The following SCOC variants were observed in gnomAD, a reference collection of about 807,000 sequenced individuals.
SCOC encodes the protein short coiled coil protein.
In SCOC, 7 loss-of-function variants were observed where a neutral mutation model predicts 9.9. That is an observed-to-expected ratio of 0.71 (90% CI 0.40 to 1.33). The LOEUF (loss-of-function observed/expected upper bound fraction) is 1.33. Ranked by LOEUF, SCOC falls within the 40% of genes most tolerant of loss-of-function variation. SCOC has a pLI of 0.01. For synonymous variants in SCOC, 19 were observed against 28.2 expected, an observed-to-expected ratio of 0.67 and a Z score of 1.03; for missense variants, 66 against 89.7, an observed-to-expected ratio of 0.74 and a Z score of 1.07.
intron 1 of SCOC, chr4:140,374,009 C>T (rs2126588318): frequency 1.7e-6 from 1 of 595,498 alleles, no homozygotes; most frequent in East Asian, 3.6e-5. Context: ...CTCCCCGCAG[C>T]TCCTGGGTCG....
chr4:140,366,634 G>A, intron 2 of SCOC: 2 of 1,605,612 alleles, frequency 1.2e-6, no homozygotes, highest in Non-Finnish European at 1.7e-6. Context: ...CTTCTGCCAG[G>A]CTTGTCTGAC....
At chr4:140,293,883 C>T (rs1303721333) in intron 1 of SCOC, among the ~76,000 whole-genome samples, 1 of 152,140 alleles carries the variant, frequency 6.6e-6, no homozygotes, top group African/African-American at 2.4e-5. Flanking sequence ...TGACTGGGGG[C>T]TCTTCAGAAA....
chr4:140,373,575 G>T, upstream of SCOC: 1 of 1,551,712 alleles, frequency 6.4e-7, no homozygotes. Context: ...ATTGGCGGGC[G>T]AGCGGCTGGG....
intron 1 of SCOC, among the ~76,000 whole-genome samples, chr4:140,263,548 G>A (rs1730674973): frequency 6.6e-6 from 1 of 152,136 alleles, no homozygotes; most frequent in African/African-American, 2.4e-5. Flanking sequence ...GTGAAAGCAG[G>A]TTATCATCAC....
intron 1 of SCOC, among the ~76,000 whole-genome samples, chr4:140,288,643 A>G (rs768230881): frequency 2.6e-5 from 4 of 151,878 alleles, no homozygotes; most frequent in Non-Finnish European, 2.9e-5. Flanking sequence ...CCAAGTATAT[A>G]CACACAAAAC....
At chr4:140,364,279 T>C (rs140513901) in intron 2 of SCOC, among the ~76,000 whole-genome samples, 1 of 152,222 alleles carries the variant, frequency 6.6e-6, no homozygotes, top group East Asian at 1.9e-4. Context: ...ACCTGAAGAA[T>C]TTAATGCTGG....
At position 140,373,708 on chromosome 4, in the gene SCOC, C is replaced by G. The variant is rs750174411; in HGVS notation, c.-60C>G. 6.5e-7 allele frequency: 1 copy of G among 1,548,186 alleles called. No homozygotes were observed. Among genetic ancestry groups the G allele is most frequent in the South Asian group, 1.2e-5 (1 of 84,002 alleles). On this transcript the variant is annotated 5_prime_UTR_variant, in exon 1 of 4. Transcript: ENST00000608372. ...CGGATCCCTCCTTCTCCCGGCGCCT[C>G]AAGCGGAAGGTGAGGGCCGTCCCGG...
chr4:140,322,776 T>A (rs1246419171), intron 1 of SCOC, among the ~76,000 whole-genome samples: 1 of 151,980 alleles, frequency 6.6e-6, no homozygotes, highest in African/African-American at 2.4e-5. Context: ...TAAGAAAACA[T>A]GTTTAGGAAA....
intron 1 of SCOC, among the ~76,000 whole-genome samples, chr4:140,275,977 C>G (rs1692438043): frequency 6.6e-6 from 1 of 152,002 alleles, no homozygotes; most frequent in Admixed American, 6.6e-5. Flanking sequence ...GTGTGTGCCA[C>G]TATGCCCGGC....
chr4:140,380,062 A>G (rs1728505358), intron 3 of SCOC, among the ~76,000 whole-genome samples: 1 of 152,198 alleles, frequency 6.6e-6, no homozygotes, highest in African/African-American at 2.4e-5. Context: ...TTGAGTTTTA[A>G]TGAAATTAAG....
At chr4:140,303,358 A>T (rs1190656529) in intron 1 of SCOC, among the ~76,000 whole-genome samples, 1 of 152,204 alleles carries the variant, frequency 6.6e-6, no homozygotes, top group Non-Finnish European at 1.5e-5. Context: ...CAACCCCATC[A>T]ATTCAAAAAG....
intron 1 of SCOC, among the ~76,000 whole-genome samples, chr4:140,275,816 G>GTTTTTTTTTTTTTTTTTTT (rs199643449): frequency 7.5e-6 from 1 of 133,464 alleles, no homozygotes. Flanking sequence ...ACTCGCTCAG[G>GTTTTTTTTTTTTTTTTTTT]TTTGTTTTTT....
At chr4:140,354,103 G>C (rs1240066330) in intron 2 of SCOC, among the ~76,000 whole-genome samples, 1 of 152,132 alleles carries the variant, frequency 6.6e-6, no homozygotes, top group East Asian at 1.9e-4. Context: ...CAGACAAAAG[G>C]CTCTACTATT....
intron 1 of SCOC, among the ~76,000 whole-genome samples, chr4:140,305,916 AC>A (rs1731966504): frequency 6.6e-6 from 1 of 152,126 alleles, no homozygotes; most frequent in Admixed American, 6.5e-5. Context: ...GGGAAAATTC[AC>A]CTTTTCTCCC....
At chr4:140,309,059 G>T in intron 1 of SCOC, among the ~76,000 whole-genome samples, 1 of 152,208 alleles carries the variant, frequency 6.6e-6, no homozygotes, top group East Asian at 1.9e-4. Context: ...GTAAGACAAA[G>T]TGGGAGCAAT....
At chr4:140,267,548 G>A (rs777515151) in intron 1 of SCOC, among the ~76,000 whole-genome samples, 1 of 152,144 alleles carries the variant, frequency 6.6e-6, no homozygotes, top group Non-Finnish European at 1.5e-5. Flanking sequence ...GAGGATGATA[G>A]GAGGCGCTGA....
chr4:140,359,602 T>G (rs1246742521), intron 2 of SCOC, among the ~76,000 whole-genome samples: 1 of 152,192 alleles, frequency 6.6e-6, no homozygotes, highest in Non-Finnish European at 1.5e-5. Flanking sequence ...TCACCACAGC[T>G]GGTCCTCTGG....
chr4:140,296,355 A>T (rs1240951728), intron 1 of SCOC, among the ~76,000 whole-genome samples: 1 of 152,216 alleles, frequency 6.6e-6, no homozygotes, highest in East Asian at 1.9e-4. Context: ...GCCACAGTTT[A>T]TGTTTTCAGA....
chr4:140,362,309 T>TCTTCTTCTTCTTCTTCTTCTTC (rs1578861442), intron 2 of SCOC, among the ~76,000 whole-genome samples: 1 of 64,132 alleles, frequency 1.6e-5, no homozygotes, highest in Non-Finnish European at 3.8e-5. Flanking sequence ...CTTTTTTTTT[T>TCTTCTTCTTCTTCTTCTTCTTC]TTTTTTGTGA....
Sources: allele counts gnomAD v4.1 joint callset (sites outside exome capture counted in the v4.1 genomes callset), GRCh38; gene constraint gnomAD v4.1.1; transcripts MANE v1.5; gene names NCBI Gene and HGNC (gene_info 2026-07-23, HGNC 2026-07-21).